BIVM: variants seen among roughly 807,000 people sequenced by gnomAD.
BIVM encodes the protein basic, immunoglobulin-like variable motif containing, also known as basic immunoglobulin-like variable motif-containing protein.
A neutral mutation model predicts 61.4 loss-of-function variants in BIVM; 31 were observed. That is an observed-to-expected ratio of 0.51 (90% confidence interval 0.38 to 0.68). BIVM has a LOEUF of 0.68. Ranked by LOEUF, BIVM falls within the 30% of genes least tolerant of loss-of-function variation. The probability of loss-of-function intolerance (pLI) is 0.00; values close to 1 mark genes in which losing one functional copy is unlikely to be tolerated. For missense variants in BIVM, 526 were observed against 596.0 expected (o/e 0.88, Z 1.22); for synonymous variants, 189 against 210.7 (o/e 0.90, Z 0.89).
intron 3 of BIVM, among the ~76,000 whole-genome samples, chr13:102,808,171 G>A (rs774537125): frequency 1.3e-5 from 2 of 151,924 alleles, no homozygotes; most frequent in Non-Finnish European, 2.9e-5. Flanking sequence ...AAATTTTTTA[G>A]GCACCCAGCA....
intron 9 of BIVM, among the ~76,000 whole-genome samples, chr13:102,836,990 T>A (rs1312788187): frequency 6.6e-6 from 1 of 152,178 alleles, no homozygotes; most frequent in Admixed American, 6.5e-5. Context: ...ATAGAATCTA[T>A]AGAATTCATA....
intron 7 of BIVM, among the ~76,000 whole-genome samples, chr13:102,822,722 T>A (rs1294978045): frequency 2.0e-5 from 3 of 152,250 alleles, no homozygotes; most frequent in African/African-American, 7.2e-5. Context: ...TTTGTACTAT[T>A]TAGCAATTTC....
At position 102,840,611 on chromosome 13, in the gene BIVM, G is replaced by T. The variant is rs1881748531; in HGVS notation, c.*746G>T. ...AGGCAGGAGAATGGCGTGAACCCGG[G>T]AGGTGGAGCTTGCAGTGAGCGGAGA... On this transcript the variant is annotated 3_prime_UTR_variant, in exon 11 of 11. Coordinates refer to ENST00000257336, the MANE Select transcript of BIVM (RefSeq NM_017693.4). The T allele has an allele frequency of 6.6e-6, 1 of 151,536 alleles. No individual in the cohort carries two copies. Among genetic ancestry groups the T allele is most frequent in the African/African-American group, 2.4e-5 (1 of 41,146 alleles). The allele number at this position is 151,536 out of a possible 1,614,324, so 9.4% of individuals were successfully genotyped here.
intron 5 of BIVM, 64 bp from the exon 6 acceptor site, chr13:102,821,679 G>A (rs1880297802): frequency 5.0e-6 from 7 of 1,410,800 alleles, no homozygotes; most frequent in South Asian, 1.3e-5. Context: ...TTAACATTGA[G>A]ACAGGCTGTA....
intron 7 of BIVM, among the ~76,000 whole-genome samples, chr13:102,827,405 C>T (rs1880748622): frequency 1.3e-5 from 2 of 151,686 alleles, no homozygotes; most frequent in South Asian, 2.1e-4. Flanking sequence ...GAGGTGCTTA[C>T]TGTAATTTGA....
rs1022104473 is a variant in BIVM, at chr13:102,807,752, A to G, written c.478+7A>G. 8 of 1,599,360 alleles carry G rather than the reference A, an allele frequency of 5.0e-6. No individual in the cohort carries two copies. The highest frequency in any genetic ancestry group is 1.3e-5 in the African/African-American group (1 of 74,474). On this transcript the variant is annotated splice_region_variant and intron_variant, in intron 3 of 10. Transcript: ENST00000257336. The surrounding 1 kb of genome is among the most constrained non-coding windows in gnomAD (Gnocchi z 4.0). ...AATTCGAAACACAAATCAGGTAAGG[A>G]GGGAGCCATGAAGTTCATATGTGAA...
intron 7 of BIVM, 59 bp downstream of exon 7, chr13:102,822,218 C>T: frequency 1.4e-6 from 2 of 1,464,802 alleles, no homozygotes; most frequent in Non-Finnish European, 1.9e-6. Flanking sequence ...CACACACATA[C>T]ACACACACGG....
Position 102,839,954 on chromosome 13 carries a change from C to A in BIVM, c.*89C>A. On this transcript the variant is annotated 3_prime_UTR_variant, in exon 11 of 11. Transcript: ENST00000257336. ...ACAGTAGAAGATTTTAGTAAGCCTA[C>A]ATTAAATAGGAGCAGATCTTGTGGT... 1 of 1,340,908 alleles carries A rather than the reference C, an allele frequency of 7.5e-7. No individual in the cohort carries two copies. The highest frequency in any genetic ancestry group is 1.0e-6 in the Non-Finnish European group (1 of 988,050). The allele number at this position is 1,340,908 out of a possible 1,614,324, so 83.1% of individuals were successfully genotyped here.
intron 7 of BIVM, among the ~76,000 whole-genome samples, chr13:102,829,999 C>T (rs1009592013): frequency 3.3e-5 from 5 of 152,240 alleles, no homozygotes; most frequent in Admixed American, 2.6e-4. Flanking sequence ...AACTAGATCA[C>T]GGGCTGTTCC....
intron 4 of BIVM, 48 bp downstream of exon 4, chr13:102,816,602 A>G (rs1879881590): frequency 2.1e-6 from 3 of 1,451,622 alleles, no homozygotes; most frequent in South Asian, 3.2e-5. Context: ...TATGTAATAT[A>G]TGTTGGCAAT....
At chr13:102,819,349 A>G (rs916575625) in intron 4 of BIVM, among the ~76,000 whole-genome samples, 4 of 152,246 alleles carry the variant, frequency 2.6e-5, no homozygotes, top group African/African-American at 4.8e-5. Flanking sequence ...AATAGTGTAC[A>G]TGATAAATTT....
chr13:102,834,861 C>A (rs1433429942), intron 9 of BIVM, among the ~76,000 whole-genome samples: 2 of 152,128 alleles, frequency 1.3e-5, no homozygotes, highest in Non-Finnish European at 2.9e-5. Context: ...TTTTGAGATT[C>A]CTCCATTGTG....
chr13:102,806,164 C>T (rs1294713497), intron 2 of BIVM, among the ~76,000 whole-genome samples: 1 of 133,120 alleles, frequency 7.5e-6, no homozygotes, highest in African/African-American at 3.6e-5. Flanking sequence ...GCCATTCTAG[C>T]GTGTGTGAGG....
At chr13:102,819,344 T>C (rs984230554) in intron 4 of BIVM, among the ~76,000 whole-genome samples, 25 of 152,306 alleles carry the variant, frequency 1.6e-4, no homozygotes, top group African/African-American at 6.0e-4. Flanking sequence ...TTAAAAATAG[T>C]GTACATGATA....
Position 102,821,130 on chromosome 13 carries a change from AAAGT to A in BIVM, c.701+4_701+7del. 6.2e-7 allele frequency: 1 copy of A among 1,609,818 alleles called. No homozygotes were observed. Among genetic ancestry groups the A allele is most frequent in the Middle Eastern group, 1.7e-4 (1 of 5,828 alleles). On this transcript the variant is annotated splice_donor_variant and coding_sequence_variant, in exon 5 of 11. Transcript: ENST00000257336. LOFTEE classifies it high-confidence loss of function. ...TCTTATACAGCACAATGGGAGCTGG[AAAGT>A]AAGTATGTCAATTTATCAGTACCCC...
rs529256077 is a variant in BIVM, at chr13:102,833,954, A to C, written c.1035-512A>C. On this transcript the variant is annotated intron_variant, in intron 8 of 10. Transcript: ENST00000257336. Reference sequence around the variant, plus strand: ...TTAAACCAACTTTGTACCCTTTAAAAGAGAGTCCCTCACTTCTGCCTGTAC... The same window carrying C: ...TTAAACCAACTTTGTACCCTTTAAACGAGAGTCCCTCACTTCTGCCTGTAC... Among the ~76,000 whole-genome samples, 20 of 152,338 alleles carry C rather than the reference A, an allele frequency of 1.3e-4. No homozygotes were observed. In the East Asian group the frequency reaches 3.7e-3, roughly 28 times the overall value.
intron 4 of BIVM, 146 bp from the exon 5 acceptor site, chr13:102,820,891 A>G: frequency 5.8e-6 from 4 of 688,342 alleles, no homozygotes; most frequent in Non-Finnish European, 9.6e-6. Context: ...TGACATGATT[A>G]ATAAGTGAAT....
At chr13:102,825,188 G>T (rs553076835) in intron 7 of BIVM, among the ~76,000 whole-genome samples, 6 of 151,912 alleles carry the variant, frequency 3.9e-5, no homozygotes, top group African/African-American at 1.2e-4. Flanking sequence ...CTTGTGATCC[G>T]CCCGCCTCGG....
chr13:102,804,463 A>G (rs1018645086), intron 1 of BIVM, among the ~76,000 whole-genome samples: 1 of 151,984 alleles, frequency 6.6e-6, no homozygotes, highest in Admixed American at 6.5e-5. Context: ...GGTGCGCGCC[A>G]TCATGCCCAG....
Sources: gnomAD v4.1 joint callset for allele counts (sites outside exome capture counted in the v4.1 genomes callset) on GRCh38, gnomAD v4.1.1 for gene constraint, Gnocchi (gnomAD v3.1) non-coding constraint, MANE v1.5 for transcripts, NCBI Gene and HGNC (gene_info 2026-07-23, HGNC 2026-07-21) for gene names.